TRMT2B: variants seen among roughly 807,000 people sequenced by gnomAD.
The protein encoded by TRMT2B is tRNA methyltransferase 2B.
Under a neutral mutation model 39.7 loss-of-function variants are expected in TRMT2B, and 34 were observed. That is an observed-to-expected ratio of 0.86 (90% confidence interval 0.65 to 1.14). TRMT2B has a LOEUF of 1.14. Ranked by LOEUF, TRMT2B falls within the 50% of genes most tolerant of loss-of-function variation. The pLI is 0.00. For synonymous variants in TRMT2B, 132 were observed against 137.3 expected (o/e 0.96, Z 0.27); for missense variants, 318 against 377.2 (o/e 0.84, Z 1.30).
intron 7 of TRMT2B, among the ~76,000 whole-genome samples, chrX:101,027,339 C>G (rs1464713870): frequency 9.1e-6 from 1 of 109,650 alleles, no homozygotes; most frequent in Non-Finnish European, 1.9e-5. Flanking sequence ...TCAAGCGATT[C>G]TAATGCCTCA....
At chrX:100,974,328 A>AAC in the TRMT2B span, 1 of 472,693 alleles carries the variant, frequency 2.1e-6, no homozygotes, top group Non-Finnish European at 3.7e-6. Context: ...AACACCTCCT[A>AAC]ACACACACGC....
chrX:100,994,949 G>A, the TRMT2B span, among the ~76,000 whole-genome samples: 1 of 111,348 alleles, frequency 9.0e-6, no homozygotes, highest in African/African-American at 3.3e-5. Context: ...GTTGTGTTTT[G>A]AATATTGTTC....
chrX:101,022,917 A>T (rs2086871288), intron 8 of TRMT2B, among the ~76,000 whole-genome samples: 1 of 112,172 alleles, frequency 8.9e-6, no homozygotes, highest in Non-Finnish European at 1.9e-5. Flanking sequence ...GCATCAAAGG[A>T]CCTGGGTTCA....
the TRMT2B span, among the ~76,000 whole-genome samples, chrX:100,982,862 T>C: frequency 1.8e-5 from 2 of 110,317 alleles, no homozygotes; most frequent in Non-Finnish European, 3.8e-5. Flanking sequence ...CAATCAGGCA[T>C]GGGTTTCATG....
the TRMT2B span, among the ~76,000 whole-genome samples, chrX:100,976,583 C>A: frequency 1.8e-5 from 2 of 111,795 alleles, no homozygotes; most frequent in Non-Finnish European, 3.8e-5. Flanking sequence ...CCTCCCTTGT[C>A]CCTGCAAATG....
chrX:100,974,131 G>C, the TRMT2B span: 1 of 1,188,815 alleles, frequency 8.4e-7, no homozygotes, highest in Non-Finnish European at 1.1e-6. Flanking sequence ...TTCTAGGAAT[G>C]TGACCATCCC....
intron 2 of TRMT2B, among the ~76,000 whole-genome samples, chrX:101,046,692 C>T (rs1455331237): frequency 9.0e-6 from 1 of 111,505 alleles, no homozygotes; most frequent in Non-Finnish European, 1.9e-5. Flanking sequence ...TTTGGGAGGC[C>T]GAGGCAGGCG....
the TRMT2B span, among the ~76,000 whole-genome samples, chrX:100,980,195 C>A: frequency 3.6e-5 from 4 of 111,798 alleles, no homozygotes; most frequent in African/African-American, 1.3e-4. Flanking sequence ...GCAGCAGGTT[C>A]CTTTCTGGTC....
intron 13 of TRMT2B, among the ~76,000 whole-genome samples, chrX:101,011,213 A>C (rs977127496): frequency 1.3e-4 from 14 of 111,761 alleles, no homozygotes; most frequent in Non-Finnish European, 2.4e-4. Flanking sequence ...GCATACTTAC[A>C]AATATCTAGA....
At chrX:100,976,577 C>T in the TRMT2B span, among the ~76,000 whole-genome samples, 41 of 111,839 alleles carry the variant, frequency 3.7e-4, no homozygotes, top group East Asian at 8.2e-3. Context: ...AATTCACCTC[C>T]CTTGTCCCTG....
At chrX:101,036,812 C>A (rs1354138522) in intron 6 of TRMT2B, among the ~76,000 whole-genome samples, 162 bp downstream of exon 6, 3 of 112,013 alleles carry the variant, frequency 2.7e-5, no homozygotes, top group African/African-American at 9.7e-5. Context: ...ACAATGACTA[C>A]CCATTAGCAG....
chrX:101,020,534 A>T lies in TRMT2B; in HGVS notation c.1121T>A (p.Leu374Ter), dbSNP rs1168306197. 8.3e-7 allele frequency: 1 copy of T among 1,211,423 alleles called. No individual in the cohort carries two copies. The highest frequency in any genetic ancestry group is 1.1e-6 in the Non-Finnish European group (1 of 895,113). The stretch of plus-strand genomic sequence containing the variant: ...TGCATCCTCCACTGCCTGCTCCAAC[A>T]ATTCAATCCCAAGGACCCGAGATGT... Reference protein sequence around the residue: ...QHTSRVLGIELLEQAVEDARW... With the variant: ...QHTSRVLGIE The change falls in exon 11 of 14, where the codon TTG (leucine) becomes TAG (stop). Residue 374 changes from leucine to a stop codon, truncating the protein, a stop_gained. Coordinates refer to ENST00000372936, the MANE Select transcript of TRMT2B (RefSeq NM_024917.6). LOFTEE classifies it high-confidence loss of function.
At chrX:100,985,360 A>G in the TRMT2B span, among the ~76,000 whole-genome samples, 1 of 111,706 alleles carries the variant, frequency 9.0e-6, no homozygotes, top group African/African-American at 3.2e-5. Context: ...ACACTCACTA[A>G]AGGTTACTGA....
At chrX:101,013,742 CAAAAAAA>C (rs149508279) in intron 13 of TRMT2B, 2 of 38,916 alleles carry the variant, frequency 5.1e-5, no homozygotes, top group Admixed American at 3.2e-4. Context: ...GACTCCGTCT[CAAAAAAA>C]AAAAAAAAAA....
At chrX:101,045,930 G>A (rs1339642696) in intron 2 of TRMT2B, among the ~76,000 whole-genome samples, 3 of 109,384 alleles carry the variant, frequency 2.7e-5, no homozygotes, top group Non-Finnish European at 5.7e-5. Flanking sequence ...CAGATCACTT[G>A]AGGTCAGCAG....
At chrX:101,026,866 T>C (rs2087122875) in intron 7 of TRMT2B, among the ~76,000 whole-genome samples, 1 of 111,746 alleles carries the variant, frequency 8.9e-6, no homozygotes, top group Middle Eastern at 4.7e-3. Context: ...CAGTACTGGA[T>C]CATTCCCATC....
At chrX:101,034,952 A>T (rs768939720) in intron 7 of TRMT2B, among the ~76,000 whole-genome samples, 1 of 112,065 alleles carries the variant, frequency 8.9e-6, no homozygotes, top group African/African-American at 3.2e-5. Context: ...GAATTGCTCA[A>T]ACCCAGGAGA....
chrX:101,024,981 G>C (rs780715154), intron 7 of TRMT2B, among the ~76,000 whole-genome samples: 1 of 108,039 alleles, frequency 9.3e-6, no homozygotes. Context: ...TGGGCAACCT[G>C]TGTCTCGGAA....
intron 7 of TRMT2B, among the ~76,000 whole-genome samples, chrX:101,033,285 T>C (rs1461741329): frequency 9.9e-6 from 1 of 101,160 alleles, no homozygotes; most frequent in Non-Finnish European, 2.0e-5. Context: ...GAAAAGAAAT[T>C]AGCAATTGGT....
Sources: allele counts gnomAD v4.1 joint callset (sites outside exome capture counted in the v4.1 genomes callset), GRCh38; gene constraint gnomAD v4.1.1; transcripts MANE v1.5; gene names NCBI Gene and HGNC (gene_info 2026-07-23, HGNC 2026-07-21).